Variants in KRT28 observed in about 807,000 individuals in gnomAD.
KRT28 encodes keratin 28, also known as keratin, type I cytoskeletal 28.
KRT28 carries 45 observed loss-of-function variants against 48.1 expected under a neutral mutation model. That is an observed-to-expected ratio of 0.94 (90% CI 0.74 to 1.20). The LOEUF (loss-of-function observed/expected upper bound fraction) is 1.20. KRT28 is among the 50% of genes most tolerant of loss of function. The probability of loss-of-function intolerance (pLI) is 0.00; values close to 1 mark genes in which losing one functional copy is unlikely to be tolerated. For missense variants in KRT28, 571 were observed against 574.1 expected, an observed-to-expected ratio of 0.99 and a Z score of 0.06; for synonymous variants, 228 against 227.4, an observed-to-expected ratio of 1.00 and a Z score of -0.03.
intron 5 of KRT28, among the ~76,000 whole-genome samples, chr17:40,794,262 C>T (rs1904561216): frequency 6.6e-6 from 1 of 152,122 alleles, no homozygotes; most frequent in Admixed American, 6.5e-5. Flanking sequence ...TGGCCCTTTT[C>T]CCACAAGACT....
In KRT28 at chr17:40,798,242, TG is replaced by T; in HGVS notation, c.682del (p.His228ThrfsTer5). On this transcript the variant is annotated frameshift_variant, in exon 3 of 8. Coordinates refer to ENST00000306658, the MANE Select transcript of KRT28 (RefSeq NM_181535.3). LOFTEE classifies it high-confidence loss of function. ...AGGTAAAGCTTCTCCTACCTCTTCG[TG>T]GTTCTTTTTGAGATATGTCATCTCC... ...SEEMTYLKKNHEEEMKALQCA... is the reference protein window; with the variant it reads ...SEEMTYLKKNXEEEMKALQCA... 1 of 1,603,664 alleles carries T rather than the reference TG, an allele frequency of 6.2e-7. No individual in the cohort carries two copies. The highest frequency in any genetic ancestry group is 8.5e-7 in the Non-Finnish European group (1 of 1,171,118).
rs1281488427 is a variant in KRT28 at position 40,799,901 on chromosome 17, TG to T, written c.-9del. 6 of 1,598,764 alleles carry T rather than the reference TG, an allele frequency of 3.8e-6. No homozygotes were observed. In the Admixed American group the frequency reaches 1.0e-4, roughly 27 times the overall value. ...AGAAAATTGGAGAGACATGGTGTTT[TG>T]AGAAATGTTCACCTTGTCTATGCAA... On this transcript the variant is annotated 5_prime_UTR_variant, in exon 1 of 8. Coordinates refer to ENST00000306658, the MANE Select transcript of KRT28 (RefSeq NM_181535.3).
chr17:40,794,454 G>A (rs552306434), intron 5 of KRT28, among the ~76,000 whole-genome samples: 5 of 152,144 alleles, frequency 3.3e-5, no homozygotes, highest in South Asian at 2.1e-4. Flanking sequence ...TACTGTCCCC[G>A]CAGATCCACT....
Position 40,794,043 on chromosome 17 carries a change from G to A in KRT28, c.982C>T (p.His328Tyr). ...TCTGTCAAGGAGCACTCCAGGGAGT[G>A]TTTCTGAGGACATCAAAGAAGCCGT... ...IQLQSLMATK[H>Y]SLECSLTETE... The change falls in exon 6 of 8, where the codon CAC becomes TAC. Residue 328 changes from histidine to tyrosine, a missense_variant. Transcript: ENST00000306658. 1 of 1,613,946 alleles carries A rather than the reference G, an allele frequency of 6.2e-7. No individual in the cohort carries two copies. Among genetic ancestry groups the A allele is most frequent in the Non-Finnish European group, 8.5e-7 (1 of 1,179,848 alleles).
chr17:40,795,861 G>GGAAC (rs1904601305), intron 5 of KRT28, among the ~76,000 whole-genome samples: 1 of 152,160 alleles, frequency 6.6e-6, no homozygotes, highest in South Asian at 2.1e-4. Context: ...CAGGGATCTA[G>GGAAC]TTCAGGGAAG....
rs775061171 is a variant in KRT28 at position 40,797,148 on chromosome 17, T to A, written c.824A>T (p.Lys275Met). The change falls in exon 4 of 8, where the codon AAG (lysine) becomes ATG (methionine). Residue 275 changes from lysine (K) to methionine (M), a missense_variant. Physicochemically the swap from Lys to Met is moderately conservative, Grantham distance 95. Transcript: ENST00000306658. ...CTCATTGAACCAGGCCTCCGCGTCCTTGCGGTTCTGCTCTGCAAGGGCTTC... is the reference window on the plus strand; with the variant it reads ...CTCATTGAACCAGGCCTCCGCGTCCATGCGGTTCTGCTCTGCAAGGGCTTC... ...EYEALAEQNR[K>M]DAEAWFNEKS... is the part of the protein sequence containing the mutation. The A allele has an allele frequency of 6.2e-7, 1 of 1,614,134 alleles. No homozygotes were observed. The highest frequency in any genetic ancestry group is 8.5e-7 in the Non-Finnish European group (1 of 1,180,006).
At position 40,799,871 on chromosome 17, in the gene KRT28, C is replaced by A; in HGVS notation, c.23G>T (p.Gly8Val). MSLQFSN[G>V]SRHVCLRSGA... ...AGACCTTAAGCAAACATGCCTGGATCCATTAGAAAATTGGAGAGACATGGT... is the reference window on the plus strand; with the variant it reads ...AGACCTTAAGCAAACATGCCTGGATACATTAGAAAATTGGAGAGACATGGT... Residue 8 changes from glycine to valine, a missense_variant, in exon 1 of 8, where the codon GGA (glycine) becomes GTA (valine). By Grantham distance (109) the Gly-to-Val change is moderately radical. Transcript: ENST00000306658. 6.2e-7 allele frequency: 1 copy of A among 1,611,986 alleles called. No homozygotes were observed. The highest frequency in any genetic ancestry group is 8.5e-7 in the Non-Finnish European group (1 of 1,179,362).
rs1382025247 is a variant in KRT28, at chr17:40,799,680, T to C, written c.214A>G (p.Ile72Val). 6.2e-7 allele frequency: 1 copy of C among 1,613,960 alleles called. No individual in the cohort carries two copies. The highest frequency in any genetic ancestry group is 1.1e-5 in the South Asian group (1 of 91,048). ...CCCCCTTCGCTTCCAGCAAAGCCAA[T>C]ACAAGCAGCATTTCCAAGGGCACCA... is the stretch of plus-strand genomic sequence containing the variant. ...AGGALGNAAC[I>V]GFAGSEGGLL... The change falls in exon 1 of 8, where the codon ATT becomes GTT. Residue 72 changes from isoleucine to valine, a missense_variant. Ile to Val is a conservative substitution (Grantham distance 29, BLOSUM62 3). Coordinates refer to ENST00000306658, the MANE Select transcript of KRT28 (RefSeq NM_181535.3).
Position 40,797,124 on chromosome 17 carries a change from T to C in KRT28, c.848A>G (p.Glu283Gly). 6.2e-7 allele frequency: 1 copy of C among 1,613,730 alleles called. No homozygotes were observed. The highest frequency in any genetic ancestry group is 8.5e-7 in the Non-Finnish European group (1 of 1,179,768). The change falls in exon 4 of 8, where the codon GAG becomes GGG. Residue 283 changes from glutamate to glycine, a missense_variant. Transcript: ENST00000306658. The stretch of plus-strand genomic sequence containing the variant: ...GGGAGACGGGGCCCACCTCACCTTC[T>C]CATTGAACCAGGCCTCCGCGTCCTT... ...NRKDAEAWFN[E>G]KSASLQQQIS...
intron 3 of KRT28, among the ~76,000 whole-genome samples, chr17:40,797,933 G>A (rs1904654149): frequency 6.6e-6 from 1 of 152,164 alleles, no homozygotes; most frequent in African/African-American, 2.4e-5. Flanking sequence ...GATGGGAATA[G>A]AACAGTAGAA....
Position 40,798,291 on chromosome 17 carries a change from G to C in KRT28, c.634C>G (p.Leu212Val). 6.2e-7 allele frequency: 1 copy of C among 1,613,374 alleles called. No homozygotes were observed. Among genetic ancestry groups the C allele is most frequent in the Non-Finnish European group, 8.5e-7 (1 of 1,179,426 alleles). The change falls in exon 3 of 8, where the codon CTG (leucine) becomes GTG (valine). Residue 212 changes from leucine to valine, a missense_variant. Transcript: ENST00000306658. Reference protein sequence around the residue: ...ELTLCRTDQELQYESLSEEMT... With the variant: ...ELTLCRTDQEVQYESLSEEMT... Reference sequence around the variant, plus strand: ...TCCTCACTCAGAGACTCATATTGCAGCTCCTGGTCGGTCCTGCAGAGCGTC... The same window carrying C: ...TCCTCACTCAGAGACTCATATTGCACCTCCTGGTCGGTCCTGCAGAGCGTC...
At position 40,799,567 on chromosome 17, in the gene KRT28, C is replaced by T; in HGVS notation, c.327G>A (p.Glu109=). ...TTTTTCTCTCTAATTCAGCATTTGC[C>T]TCCTCCAGAGCTCGCACATTATCCA... ...SYLDNVRALE[E]ANAELERKIK... The change falls in exon 1 of 8, where the codon GAG becomes GAA. Residue 109 remains glutamate (E), a synonymous_variant. Transcript: ENST00000306658. 6.2e-7 allele frequency: 1 copy of T among 1,614,164 alleles called. No homozygotes were observed. Among genetic ancestry groups the T allele is most frequent in the South Asian group, 1.1e-5 (1 of 91,074 alleles).
Position 40,798,944 on chromosome 17 carries a change from C to CTGGCATTATCAATCTGCAGAA in KRT28, c.485_505dup (p.Ile162_Ala168dup), listed in dbSNP as rs754881207. On this transcript the variant is annotated inframe_insertion, in exon 2 of 8. Transcript: ENST00000306658. The stretch of plus-strand genomic sequence containing the variant: ...TAGCCTGAAATCATCAGCAGCCAGT[C>CTGGCATTATCAATCTGCAGAA]TGGCATTATCAATCTGCAGAATGAC... 2.5e-6 allele frequency: 4 copies of CTGGCATTATCAATCTGCAGAA among 1,608,356 alleles called. No homozygotes were observed. The East Asian group carries it at 9.0e-5, about 36-fold the overall frequency.
rs1035279918 is a variant in KRT28 at position 40,792,279 on chromosome 17, C to T, written c.*148G>A. ...CTTTTTTATTTATTGGAAACAAACA[C>T]TCAATATCCTGTAAAACTAAGAAAA... is the stretch of plus-strand genomic sequence containing the variant. On this transcript the variant is annotated 3_prime_UTR_variant, in exon 8 of 8. Transcript: ENST00000306658. The T allele has an allele frequency of 4.2e-5, 23 of 551,724 alleles. No individual in the cohort carries two copies. The highest frequency in any genetic ancestry group is 1.5e-4 in the African/African-American group (8 of 51,680). The allele number at this position is 551,724 out of a possible 1,614,324, so 34.2% of individuals were successfully genotyped here. A position where few individuals can be genotyped will look rare whatever the true frequency, so the allele number is the denominator to read the frequency against.
intron 5 of KRT28, among the ~76,000 whole-genome samples, chr17:40,795,790 C>A (rs771806198): frequency 6.6e-6 from 1 of 152,162 alleles, no homozygotes; most frequent in Non-Finnish European, 1.5e-5. Context: ...TTTCCATCAG[C>A]GTAGCTCAGA....
intron 3 of KRT28, among the ~76,000 whole-genome samples, chr17:40,797,772 A>C (rs897255978): frequency 2.0e-5 from 3 of 152,050 alleles, no homozygotes; most frequent in African/African-American, 7.2e-5. Flanking sequence ...GAAAACAAAC[A>C]AAAAAAATTA....
At chr17:40,795,377 CAG>C (rs1338390387) in intron 5 of KRT28, among the ~76,000 whole-genome samples, 1 of 152,138 alleles carries the variant, frequency 6.6e-6, no homozygotes, top group East Asian at 1.9e-4. Context: ...ACTCATAAGT[CAG>C]AGAGGACAGC....
In KRT28 at chr17:40,799,786, A is replaced by G. The variant is rs1236893334; in HGVS notation, c.108T>C (p.Cys36=). ...ATTCACTTCCAGCAACAGAGCCACC[A>G]CATGCACTGCTGCCTGCAAAGCCTG... ...GGAGFAGSSA[C]GGSVAGSEFS... is the part of the protein sequence containing the mutation. Residue 36 remains cysteine, a synonymous_variant, in exon 1 of 8, where the codon TGT becomes TGC. Transcript: ENST00000306658. 1.9e-6 allele frequency: 3 copies of G among 1,613,904 alleles called. No homozygotes were observed. The Admixed American group carries it at 5.0e-5, about 27-fold the overall frequency.
chr17:40,797,692 T>C (rs1904648718), intron 3 of KRT28, among the ~76,000 whole-genome samples: 1 of 152,078 alleles, frequency 6.6e-6, no homozygotes, highest in Non-Finnish European at 1.5e-5. Context: ...GAGGTTGCAG[T>C]GAGCTGAGAT....
Sources: allele counts gnomAD v4.1 joint callset (sites outside exome capture counted in the v4.1 genomes callset), GRCh38; gene constraint gnomAD v4.1.1; transcripts MANE v1.5; gene names NCBI Gene and HGNC (gene_info 2026-07-23, HGNC 2026-07-21).